The following ST3GAL1 variants were observed in gnomAD, a reference collection of about 807,000 sequenced individuals.
The protein encoded by ST3GAL1 is ST3 beta-galactoside alpha-2,3-sialyltransferase 1.
In ST3GAL1, 16 loss-of-function variants were observed where a neutral mutation model predicts 34.1. The observed-to-expected ratio is 0.47, with a 90% CI of 0.32 to 0.71. The LOEUF (loss-of-function observed/expected upper bound fraction) is 0.71, where lower values mean the gene tolerates loss of function less well. Among genes scored for constraint, ST3GAL1 ranks in the 30% least tolerant of loss-of-function variants. The probability of loss-of-function intolerance (pLI) is 0.04; values close to 1 mark genes in which losing one functional copy is unlikely to be tolerated. For synonymous variants in ST3GAL1, 191 were observed against 184.7 expected, an observed-to-expected ratio of 1.03 and a Z score of -0.28; for missense variants, 353 against 447.4, an observed-to-expected ratio of 0.79 and a Z score of 1.90.
At chr8:133,551,525 AGAGAAAGAAAGAGAAG>A (rs1367795313) in intron 1 of ST3GAL1, among the ~76,000 whole-genome samples, 14 of 143,676 alleles carry the variant, frequency 9.7e-5, no homozygotes, top group African/African-American at 4.0e-4. Flanking sequence ...AAAGAAAGAA[AGAGAAAGAAAGAGAAG>A]GAAAGAAAGA....
At chr8:133,473,970 G>A (rs778727217) in intron 5 of ST3GAL1, among the ~76,000 whole-genome samples, 10 of 152,100 alleles carry the variant, frequency 6.6e-5, no homozygotes, top group African/African-American at 1.2e-4. Flanking sequence ...CTACCTGCCC[G>A]GTTCTCTGTT....
At chr8:133,511,905 T>C (rs768977831) in intron 2 of ST3GAL1, among the ~76,000 whole-genome samples, 3 of 152,010 alleles carry the variant, frequency 2.0e-5, no homozygotes, top group Non-Finnish European at 2.9e-5. Context: ...TACAAAAAAT[T>C]AGCTGGGCAT....
chr8:133,504,748 T>C (rs1817283804), intron 2 of ST3GAL1, among the ~76,000 whole-genome samples: 1 of 152,014 alleles, frequency 6.6e-6, no homozygotes, highest in African/African-American at 2.4e-5. Context: ...CAGGGAAGGC[T>C]TCGGAGAGGA....
intron 1 of ST3GAL1, among the ~76,000 whole-genome samples, chr8:133,554,426 T>A (rs1297474879): frequency 6.6e-6 from 1 of 151,992 alleles, no homozygotes; most frequent in East Asian, 1.9e-4. Flanking sequence ...CACTCGACAG[T>A]GGGATGTAGG....
rs1448149147 is a variant in ST3GAL1 at position 133,541,110 on chromosome 8, T to G, written c.-429+4664A>C. Reference sequence around the variant, plus strand: ...ATATATATAAACATATATATATATATATATATATATAGAGAGAGAGAGAGA... The same window carrying G: ...ATATATATAAACATATATATATATAGATATATATATAGAGAGAGAGAGAGA... On this transcript the variant is annotated intron_variant, in intron 2 of 9. Coordinates refer to ENST00000522652, the MANE Select transcript of ST3GAL1 (RefSeq NM_173344.3). Among the ~76,000 whole-genome samples the G allele has an allele frequency of 4.6e-3, 193 of 42,008 alleles. 15 individuals carry two copies. Among genetic ancestry groups the G allele is most frequent in the South Asian group, 0.02 (20 of 978 alleles). The allele number at this position is 42,008 out of a possible 152,430, so 27.6% of individuals were successfully genotyped here.
chr8:133,517,035 C>A (rs950872512), intron 2 of ST3GAL1, among the ~76,000 whole-genome samples: 10 of 152,258 alleles, frequency 6.6e-5, no homozygotes, highest in Non-Finnish European at 4.4e-5. Flanking sequence ...CAGCTTCCTG[C>A]CCACTGGCAT....
rs771438014 is a variant in ST3GAL1, at chr8:133,476,012, G to T, written c.13C>A (p.Arg5=). 28 of 1,592,668 alleles carry T rather than the reference G, an allele frequency of 1.8e-5. No individual in the cohort carries two copies. The highest frequency in any genetic ancestry group is 2.3e-5 in the Non-Finnish European group (27 of 1,168,268). MVTL[R]KRTLKVLTFL... is the part of the protein sequence containing the mutation. The stretch of plus-strand genomic sequence containing the variant: ...GTGAGCACTTTCAGGGTCCTCTTCC[G>T]CAGGGTCACCATCTTCGCAGTCCTG... The change falls in exon 5 of 10, where the codon CGG becomes AGG. Residue 5 remains arginine (R), a synonymous_variant. Coordinates refer to ENST00000522652, the MANE Select transcript of ST3GAL1 (RefSeq NM_173344.3).
intron 2 of ST3GAL1, among the ~76,000 whole-genome samples, chr8:133,536,795 G>A (rs1016595923): frequency 6.6e-6 from 1 of 152,018 alleles, no homozygotes; most frequent in Non-Finnish European, 1.5e-5. Flanking sequence ...CTCCCAAGTG[G>A]GTACTATTAC....
rs183036561 is a variant in ST3GAL1, at chr8:133,532,954, G to A, written c.-429+12820C>T. Among the ~76,000 whole-genome samples, 232 of 152,286 alleles carry A rather than the reference G, an allele frequency of 1.5e-3. 1 individual carries two copies. The highest frequency in any genetic ancestry group is 5.2e-3 in the African/African-American group (218 of 41,556). On this transcript the variant is annotated intron_variant, in intron 2 of 9. Transcript: ENST00000522652. ...CTCTCACTCTTTCCCATATTCATTC[G>A]TTGAAACCACTAAGGTACTAATTAA...
At chr8:133,553,533 T>C (rs896491619) in intron 1 of ST3GAL1, among the ~76,000 whole-genome samples, 1 of 152,224 alleles carries the variant, frequency 6.6e-6, no homozygotes, top group Non-Finnish European at 1.5e-5. Flanking sequence ...GGACAAGTTA[T>C]CTCATCACTC....
At chr8:133,541,849 T>C (rs766448899) in intron 2 of ST3GAL1, among the ~76,000 whole-genome samples, 1 of 152,190 alleles carries the variant, frequency 6.6e-6, no homozygotes, top group Non-Finnish European at 1.5e-5. Flanking sequence ...GGAAAGGGTC[T>C]GAAACTGGGC....
chr8:133,507,408 T>C (rs567105571), intron 2 of ST3GAL1, among the ~76,000 whole-genome samples: 211 of 152,392 alleles, frequency 1.4e-3, no homozygotes, highest in African/African-American at 4.5e-3. Flanking sequence ...GGGAAGAGCA[T>C]AGGCTTTGGC....
At chr8:133,488,724 A>G (rs1242961381) in intron 3 of ST3GAL1, among the ~76,000 whole-genome samples, 1 of 152,222 alleles carries the variant, frequency 6.6e-6, no homozygotes, top group East Asian at 1.9e-4. Context: ...CACAGGGTGG[A>G]CAGGTGATTG....
intron 2 of ST3GAL1, among the ~76,000 whole-genome samples, chr8:133,526,226 T>C (rs915861675): frequency 6.6e-6 from 1 of 152,174 alleles, no homozygotes; most frequent in African/African-American, 2.4e-5. Flanking sequence ...TTTGCAAACA[T>C]GGCAACTCTA....
In ST3GAL1 at chr8:133,506,602, T is replaced by A. The variant is rs182274002; in HGVS notation, c.-428-7413A>T. 4.4e-3 allele frequency among the ~76,000 whole-genome samples: 660 copies of A among 149,682 alleles called. 3 individuals are homozygous for A. The highest frequency in any genetic ancestry group is 0.016 in the African/African-American group (631 of 40,474). On this transcript the variant is annotated intron_variant, in intron 2 of 9. Coordinates refer to ENST00000522652, the MANE Select transcript of ST3GAL1 (RefSeq NM_173344.3). ...GAGTTCGAGACCAGCCTGGCCAACATGGTGAAACCCCGTTTCTACTTAAAA... is the reference window on the plus strand; with the variant it reads ...GAGTTCGAGACCAGCCTGGCCAACAAGGTGAAACCCCGTTTCTACTTAAAA...
chr8:133,542,178 C>T (rs1022129285), intron 2 of ST3GAL1, among the ~76,000 whole-genome samples: 3 of 152,128 alleles, frequency 2.0e-5, no homozygotes, highest in African/African-American at 7.2e-5. Context: ...CAATGCTACC[C>T]CAGAAACAGT....
At chr8:133,474,046 C>T (rs1816066901) in intron 5 of ST3GAL1, among the ~76,000 whole-genome samples, 1 of 152,268 alleles carries the variant, frequency 6.6e-6, no homozygotes, top group African/African-American at 2.4e-5. Context: ...CAAACCAGGA[C>T]TCAGCCAGGT....
intron 2 of ST3GAL1, among the ~76,000 whole-genome samples, chr8:133,529,664 C>T (rs1818087552): frequency 6.6e-6 from 1 of 152,202 alleles, no homozygotes; most frequent in Admixed American, 6.5e-5. Flanking sequence ...GGAGGCATGT[C>T]ATGTCACCAA....
At chr8:133,557,728 A>G (rs1376834751) in intron 1 of ST3GAL1, among the ~76,000 whole-genome samples, 4 of 152,106 alleles carry the variant, frequency 2.6e-5, no homozygotes, top group Non-Finnish European at 5.9e-5. Context: ...CGTGCCTGTA[A>G]TCCCAGCTAC....
Sources: allele counts gnomAD v4.1 joint callset (sites outside exome capture counted in the v4.1 genomes callset), GRCh38; gene constraint gnomAD v4.1.1; transcripts MANE v1.5; gene names NCBI Gene and HGNC (gene_info 2026-07-23, HGNC 2026-07-21).